Variants in PDE11A observed in about 807,000 individuals in gnomAD.
PDE11A encodes the protein dual 3',5'-cyclic-AMP and -GMP phosphodiesterase 11A.
PDE11A carries 100 observed loss-of-function variants against 100.5 expected under a neutral mutation model. That is an observed-to-expected ratio of 1.00 (90% CI 0.85 to 1.18). PDE11A has a LOEUF of 1.18. Ranked by LOEUF, PDE11A falls within the 50% of genes most tolerant of loss-of-function variation. The probability of loss-of-function intolerance (pLI) is 0.00; values close to 1 mark genes in which losing one functional copy is unlikely to be tolerated. For missense variants in PDE11A, 1,141 were observed against 1,152.6 expected (o/e 0.99, Z 0.15); for synonymous variants, 381 against 420.8 (o/e 0.91, Z 1.16).
At chr2:177,905,979 T>G (rs922781510) in intron 2 of PDE11A, among the ~76,000 whole-genome samples, 5 of 152,188 alleles carry the variant, frequency 3.3e-5, no homozygotes, top group African/African-American at 9.7e-5. Flanking sequence ...CCTTGCACTC[T>G]CAAGAAATTC....
intron 1 of PDE11A, among the ~76,000 whole-genome samples, chr2:178,066,698 A>G (rs1257589941): frequency 6.6e-6 from 1 of 152,106 alleles, no homozygotes; most frequent in African/African-American, 2.4e-5. Flanking sequence ...CATGCCCCAC[A>G]CCACCTCAGG....
chr2:177,667,012 G>A (rs1314152474), intron 18 of PDE11A, among the ~76,000 whole-genome samples: 1 of 151,672 alleles, frequency 6.6e-6, no homozygotes, highest in African/African-American at 2.4e-5. Flanking sequence ...CTGCCTCCTG[G>A]GTTCAAACGG....
At chr2:177,873,747 C>T (rs2084184299) in intron 5 of PDE11A, among the ~76,000 whole-genome samples, 1 of 152,154 alleles carries the variant, frequency 6.6e-6, no homozygotes, top group South Asian at 2.1e-4. Context: ...TTAAGAATGT[C>T]CTGTAAATGA....
At chr2:177,927,170 C>T (rs2085136577) in intron 2 of PDE11A, among the ~76,000 whole-genome samples, 2 of 152,222 alleles carry the variant, frequency 1.3e-5, no homozygotes, top group African/African-American at 4.8e-5. Context: ...CAAACAATAG[C>T]TCTCTTCCTT....
intron 9 of PDE11A, among the ~76,000 whole-genome samples, chr2:177,784,374 C>T (rs1270598648): frequency 6.6e-6 from 1 of 151,930 alleles, no homozygotes; most frequent in Admixed American, 6.5e-5. Flanking sequence ...ATTACAATTA[C>T]AGTTACAAAT....
At chr2:177,884,186 C>T (rs1240825142) in intron 4 of PDE11A, among the ~76,000 whole-genome samples, 1 of 152,056 alleles carries the variant, frequency 6.6e-6, no homozygotes, top group Non-Finnish European at 1.5e-5. Context: ...TCTGTGCTCC[C>T]CCAAAATAGT....
At chr2:177,940,356 G>A (rs1378254616) in intron 2 of PDE11A, among the ~76,000 whole-genome samples, 1 of 151,984 alleles carries the variant, frequency 6.6e-6, no homozygotes, top group East Asian at 1.9e-4. Context: ...AAGACATCCA[G>A]GCCAAAAGGC....
intron 2 of PDE11A, among the ~76,000 whole-genome samples, chr2:178,091,530 T>C (rs987235717): frequency 5.3e-5 from 8 of 152,184 alleles, no homozygotes; most frequent in Non-Finnish European, 1.2e-4. Context: ...TTGTGAAGTG[T>C]AAATGAGGTA....
intron 1 of PDE11A, among the ~76,000 whole-genome samples, chr2:178,062,336 GA>G (rs11333080): frequency 0.19 from 19,087 of 101,582 alleles, 1,282 homozygotes; most frequent in Middle Eastern, 0.21. Flanking sequence ...CCTGAAGACA[GA>G]AAAAAAAAAA....
chr2:177,831,244 T>C (rs559084300), intron 6 of PDE11A, among the ~76,000 whole-genome samples: 1 of 152,368 alleles, frequency 6.6e-6, no homozygotes, highest in Non-Finnish European at 1.5e-5. Context: ...AGCAGGCATC[T>C]GACAGCACTT....
intron 5 of PDE11A, among the ~76,000 whole-genome samples, chr2:177,849,361 T>C (rs1027206659): frequency 3.3e-5 from 5 of 152,168 alleles, no homozygotes; most frequent in Non-Finnish European, 7.3e-5. Flanking sequence ...AGAGTTCACC[T>C]GGAAGAGAAA....
At chr2:178,085,250 T>C (rs1169792676) in intron 2 of PDE11A, among the ~76,000 whole-genome samples, 1 of 152,122 alleles carries the variant, frequency 6.6e-6, no homozygotes, top group Non-Finnish European at 1.5e-5. Context: ...GAGAATGGCA[T>C]GGAAACTATT....
At chr2:177,779,426 T>C (rs2082422004) in intron 9 of PDE11A, among the ~76,000 whole-genome samples, 1 of 152,356 alleles carries the variant, frequency 6.6e-6, no homozygotes, top group Middle Eastern at 3.4e-3. Flanking sequence ...TGCTGCTTGA[T>C]AGCATTTTAC....
chr2:177,719,875 C>CAAA (rs558758556), intron 12 of PDE11A, among the ~76,000 whole-genome samples: 41 of 151,922 alleles, frequency 2.7e-4, no homozygotes, highest in African/African-American at 8.2e-4. Context: ...ATCATCTTAA[C>CAAA]AACAAAAAAA....
chr2:178,057,562 A>G (rs975524675), intron 1 of PDE11A, among the ~76,000 whole-genome samples: 9 of 152,226 alleles, frequency 5.9e-5, no homozygotes, highest in African/African-American at 2.2e-4. Flanking sequence ...GGTGATTTAA[A>G]TAAACATATG....
At chr2:177,876,807 C>G (rs1465864822) in intron 4 of PDE11A, among the ~76,000 whole-genome samples, 1 of 148,264 alleles carries the variant, frequency 6.7e-6, no homozygotes, top group Admixed American at 6.6e-5. Flanking sequence ...GAGAAATGCA[C>G]TATTTCTGGC....
chr2:177,817,999 C>T, intron 7 of PDE11A, 74 bp from the exon 8 acceptor site: 4 of 783,542 alleles, frequency 5.1e-6, no homozygotes, highest in Non-Finnish European at 7.0e-6. Context: ...GTAGCCACAG[C>T]TAACTCTATG....
intron 11 of PDE11A, 93 bp from the exon 12 acceptor site, chr2:177,727,858 T>A: frequency 1.0e-6 from 1 of 982,496 alleles, no homozygotes; most frequent in Non-Finnish European, 1.6e-6. Context: ...TAACCCTCAG[T>A]GATCAAAGGC....
At chr2:178,073,279 C>A (rs2105874467), upstream of PDE11A, among the ~76,000 whole-genome samples, 1 of 152,250 alleles carries the variant, frequency 6.6e-6, no homozygotes, top group South Asian at 2.1e-4. Context: ...CTGCCCAGCG[C>A]CTTGTGGGTG....
Sources: gnomAD v4.1 joint callset for allele counts (sites outside exome capture counted in the v4.1 genomes callset) on GRCh38, gnomAD v4.1.1 for gene constraint, MANE v1.5 for transcripts, NCBI Gene and HGNC (gene_info 2026-07-23, HGNC 2026-07-21) for gene names.